The following RTF2 variants were observed in gnomAD, a reference collection of about 807,000 sequenced individuals.
The protein encoded by RTF2 is UPF0549 protein C20orf43.
In RTF2, 18 loss-of-function variants were observed where a neutral mutation model predicts 38.0. The observed-to-expected ratio is 0.47, with a 90% CI of 0.33 to 0.70. RTF2 has a LOEUF of 0.70. RTF2 is among the 30% of genes least tolerant of loss of function. The pLI is 0.02. For missense variants in RTF2, 311 were observed against 379.6 expected (o/e 0.82, Z 1.50); for synonymous variants, 126 against 137.1 (o/e 0.92, Z 0.57).
chr20:56,502,470 A>G (rs956990118), intron 5 of RTF2, among the ~76,000 whole-genome samples: 1 of 152,202 alleles, frequency 6.6e-6, no homozygotes, highest in Admixed American at 6.5e-5. Flanking sequence ...CCTCCAGAAC[A>G]GTTCGTTGAA....
chr20:56,507,138 G>A (rs188275498), intron 5 of RTF2, among the ~76,000 whole-genome samples: 20 of 152,282 alleles, frequency 1.3e-4, no homozygotes, highest in African/African-American at 4.8e-4. Context: ...TGCATTAGCA[G>A]GAAGATATGG....
At chr20:56,502,042 C>G (rs916637857) in intron 5 of RTF2, among the ~76,000 whole-genome samples, 2 of 152,140 alleles carry the variant, frequency 1.3e-5, no homozygotes, top group African/African-American at 4.8e-5. Flanking sequence ...ATATAGTGTA[C>G]AGTGGAACAA....
chr20:56,501,203 CT>C (rs35521725), intron 5 of RTF2, among the ~76,000 whole-genome samples: 41,312 of 147,632 alleles, frequency 0.28, 6,802 homozygotes, highest in South Asian at 0.43. Flanking sequence ...CATGGCCTGA[CT>C]TTTTTTTTTT....
At chr20:56,499,796 G>A (rs533669876) in intron 5 of RTF2, among the ~76,000 whole-genome samples, 1 of 151,998 alleles carries the variant, frequency 6.6e-6, no homozygotes, top group South Asian at 2.1e-4. Context: ...GAGTGAAGTG[G>A]CGCAGTCTCA....
chr20:56,489,676 C>A, intron 5 of RTF2, among the ~76,000 whole-genome samples: 1 of 152,232 alleles, frequency 6.6e-6, no homozygotes, highest in East Asian at 1.9e-4. Flanking sequence ...TGGGCGGATG[C>A]TTTTACAGGG....
At chr20:56,488,010 AT>A (rs1982883920) in intron 5 of RTF2, among the ~76,000 whole-genome samples, 2 of 152,216 alleles carry the variant, frequency 1.3e-5, no homozygotes, top group Non-Finnish European at 2.9e-5. Context: ...ACTTCAACAT[AT>A]GGATTTTGCA....
At chr20:56,476,836 C>G (rs949390330) in intron 3 of RTF2, 149 bp from the exon 4 acceptor site, 1 of 707,334 alleles carries the variant, frequency 1.4e-6, no homozygotes, top group African/African-American at 1.8e-5. Flanking sequence ...AATATTATAT[C>G]CATGTTTCTT....
chr20:56,475,394 C>T (rs577306478), intron 3 of RTF2, among the ~76,000 whole-genome samples: 2 of 152,308 alleles, frequency 1.3e-5, no homozygotes, highest in African/African-American at 4.8e-5. Flanking sequence ...CCCTAACTCC[C>T]AGTCTAAGGC....
At chr20:56,476,212 G>T (rs1200189357) in intron 3 of RTF2, among the ~76,000 whole-genome samples, 1 of 152,126 alleles carries the variant, frequency 6.6e-6, no homozygotes, top group African/African-American at 2.4e-5. Flanking sequence ...TTAGACCGTG[G>T]CCTCAGATTT....
chr20:56,484,458 C>T (rs946403790), intron 5 of RTF2, among the ~76,000 whole-genome samples: 9 of 152,216 alleles, frequency 5.9e-5, no homozygotes, highest in African/African-American at 2.2e-4. Flanking sequence ...TCCTGGAGGG[C>T]CTGCTCCCCC....
At chr20:56,475,260 GA>G (rs1396503242) in intron 3 of RTF2, among the ~76,000 whole-genome samples, 9 of 152,198 alleles carry the variant, frequency 5.9e-5, no homozygotes, top group Middle Eastern at 3.4e-3. Flanking sequence ...GGTCAGTGGG[GA>G]AAAAAACTTG....
chr20:56,491,690 G>A (rs1057028137), intron 5 of RTF2: 9 of 1,552,160 alleles, frequency 5.8e-6, no homozygotes, highest in Non-Finnish European at 7.8e-6. Context: ...CGGGTCTGTC[G>A]AGGGTTCGAA....
At chr20:56,491,604 A>C in intron 5 of RTF2, 1 of 1,551,850 alleles carries the variant, frequency 6.4e-7, no homozygotes, top group South Asian at 1.2e-5. Context: ...TGAAAATGCC[A>C]GTGTGGCTCT....
chr20:56,497,415 T>TG (rs1568702623), intron 5 of RTF2: 14 of 1,549,068 alleles, frequency 9.0e-6, no homozygotes, highest in Non-Finnish European at 1.2e-5. Flanking sequence ...TTTTGCAATT[T>TG]AGGGGGCCGC....
intron 5 of RTF2, among the ~76,000 whole-genome samples, chr20:56,486,604 G>T (rs1982804656): frequency 6.6e-6 from 1 of 152,150 alleles, no homozygotes; most frequent in Non-Finnish European, 1.5e-5. Context: ...ACCCAAGATT[G>T]TGCCACTGCA....
intron 5 of RTF2, chr20:56,497,653 T>C (rs1312609988): frequency 1.6e-6 from 2 of 1,218,950 alleles, no homozygotes; most frequent in East Asian, 5.6e-5. Context: ...TTTAAGTATT[T>C]TTTCCTTTAA....
chr20:56,478,762 T>C (rs6014747), intron 4 of RTF2, among the ~76,000 whole-genome samples: 125,416 of 152,110 alleles, frequency 0.82, 51,908 homozygotes, highest in East Asian at 0.99. Flanking sequence ...TTTGCTGCAT[T>C]GATTGACTCT....
intron 6 of RTF2, among the ~76,000 whole-genome samples, chr20:56,515,340 G>A (rs1984956307): frequency 6.6e-6 from 1 of 152,090 alleles, no homozygotes; most frequent in Non-Finnish European, 1.5e-5. Context: ...GGGAGGCCGA[G>A]GCAAGCAGAT....
intron 5 of RTF2, among the ~76,000 whole-genome samples, chr20:56,503,903 G>A (rs1024878666): frequency 6.6e-6 from 1 of 152,188 alleles, no homozygotes; most frequent in Admixed American, 6.5e-5. Flanking sequence ...AGGAGGCAGA[G>A]GTTGCAGTGA....
Sources: gnomAD v4.1 joint callset for allele counts (sites outside exome capture counted in the v4.1 genomes callset) on GRCh38, gnomAD v4.1.1 for gene constraint, MANE v1.5 for transcripts, NCBI Gene and HGNC (gene_info 2026-07-23, HGNC 2026-07-21) for gene names.